The following RANBP3 variants were observed in gnomAD, a reference collection of about 807,000 sequenced individuals.
RANBP3 encodes RAN binding protein 3.
Under a neutral mutation model 77.3 loss-of-function variants are expected in RANBP3, and 14 were observed. That is an observed-to-expected ratio of 0.18 (90% confidence interval 0.12 to 0.28). The LOEUF is 0.28. Ranked by LOEUF, RANBP3 falls within the 10% of genes least tolerant of loss-of-function variation. The pLI, the probability that RANBP3 is intolerant of heterozygous loss-of-function variation, is 1.00. For synonymous variants in RANBP3, 315 were observed against 312.4 expected (o/e 1.01, Z -0.09); for missense variants, 586 against 752.3 (o/e 0.78, Z 2.59).
chr19:5,941,961 G>A (rs1004585203), intron 3 of RANBP3, 126 bp from the exon 4 acceptor site: 9 of 1,038,662 alleles, frequency 8.7e-6, no homozygotes, highest in East Asian at 2.5e-5. Context: ...CCCAGCACCC[G>A]AATGAGAGCC....
At position 5,925,430 on chromosome 19, in the gene RANBP3, C is replaced by T. The variant is rs933024094; in HGVS notation, c.917+204G>A. 2.7e-5 allele frequency: 16 copies of T among 599,096 alleles called. No homozygotes were observed. In the East Asian group the frequency reaches 3.1e-4, roughly 12 times the overall value. 37.1% of individuals were successfully genotyped at this position (599,096 alleles called of 1,614,324 possible). The stretch of plus-strand genomic sequence containing the variant: ...CACAGAACTCTGGTCCTGTCTCAGG[C>T]GTCCAGTGAATCCCAGGACAAGGCC... On this transcript the variant is annotated intron_variant, in intron 10 of 16. Transcript: ENST00000340578.
intron 7 of RANBP3, among the ~76,000 whole-genome samples, chr19:5,931,826 A>G (rs1424244425): frequency 2.6e-5 from 4 of 152,044 alleles, no homozygotes; most frequent in Admixed American, 2.6e-4. Context: ...TGGGGCCAGG[A>G]GTTTGAGACC....
Position 5,923,173 on chromosome 19 carries a change from G to A in RANBP3, c.1209+21C>T, listed in dbSNP as rs138379093. ...GGTGCATGGAAGACCCAGGGCCACCGAGGAGGGGCCGGCCCCTCACCTGTA... is the reference window on the plus strand; with the variant it reads ...GGTGCATGGAAGACCCAGGGCCACCAAGGAGGGGCCGGCCCCTCACCTGTA... On this transcript the variant is annotated intron_variant, in intron 13 of 16. Coordinates refer to ENST00000340578, the MANE Select transcript of RANBP3 (RefSeq NM_007322.3). 2.5e-3 allele frequency: 3,977 copies of A among 1,606,040 alleles called. 11 individuals carry two copies. Among genetic ancestry groups the A allele is most frequent in the Non-Finnish European group, 3.2e-3 (3,719 of 1,172,680 alleles).
intron 9 of RANBP3, 146 bp from the exon 10 acceptor site, chr19:5,925,883 A>C: frequency 5.7e-5 from 36 of 630,400 alleles, no homozygotes; most frequent in East Asian, 1.5e-4. Flanking sequence ...GTGCGCGTGC[A>C]TGTGCTGGGG....
intron 9 of RANBP3, among the ~76,000 whole-genome samples, chr19:5,925,966 A>G (rs991407609): frequency 6.6e-6 from 1 of 152,204 alleles, no homozygotes; most frequent in Admixed American, 6.5e-5. Flanking sequence ...TGAAGCTCCA[A>G]GGAGCCTTTT....
chr19:5,944,709 G>A (rs115421085), intron 3 of RANBP3, among the ~76,000 whole-genome samples: 94 of 152,312 alleles, frequency 6.2e-4, no homozygotes, highest in African/African-American at 2.1e-3. Context: ...TGCACAGCCC[G>A]ATCTCCTCGG....
chr19:5,936,537 C>T (rs978865029), intron 5 of RANBP3, among the ~76,000 whole-genome samples: 2 of 152,210 alleles, frequency 1.3e-5, no homozygotes, highest in South Asian at 2.1e-4. Context: ...ATCGCAGTAC[C>T]GCACGGAGTG....
intron 1 of RANBP3, among the ~76,000 whole-genome samples, chr19:5,974,718 C>T (rs760831404): frequency 2.6e-5 from 4 of 152,120 alleles, no homozygotes; most frequent in South Asian, 2.1e-4. Context: ...CTCAAACCAG[C>T]GGGTCTCAAC....
At chr19:5,977,433 C>T (rs367950397) in intron 1 of RANBP3, among the ~76,000 whole-genome samples, 41 of 152,114 alleles carry the variant, frequency 2.7e-4, no homozygotes, top group African/African-American at 9.4e-4. Flanking sequence ...GGGTTTTCGG[C>T]GGCCCAGATC....
chr19:5,922,705 C>T (rs556012152), intron 13 of RANBP3, among the ~76,000 whole-genome samples: 4 of 152,258 alleles, frequency 2.6e-5, no homozygotes, highest in South Asian at 2.1e-4. Context: ...TTTGGGAGGC[C>T]GAGGCGGGTG....
chr19:5,954,171 G>A (rs546283861), intron 2 of RANBP3, among the ~76,000 whole-genome samples: 67 of 152,274 alleles, frequency 4.4e-4, no homozygotes, highest in Admixed American at 4.4e-3. Context: ...TCCTTTGAAT[G>A]GCGTGAGAGG....
intron 8 of RANBP3, among the ~76,000 whole-genome samples, chr19:5,929,400 C>G (rs2057957649): frequency 6.6e-6 from 1 of 152,264 alleles, no homozygotes; most frequent in Non-Finnish European, 1.5e-5. Context: ...GCCCCCTGCT[C>G]ACACCGACTG....
chr19:5,958,911 A>G lies in RANBP3; in HGVS notation c.23-938T>C, dbSNP rs754364772. Among the ~76,000 whole-genome samples the G allele has an allele frequency of 1.3e-5, 2 of 152,244 alleles. No individual in the cohort carries two copies. Among genetic ancestry groups the G allele is most frequent in the African/African-American group, 2.4e-5 (1 of 41,464 alleles). On this transcript the variant is annotated intron_variant, in intron 1 of 16. Coordinates refer to ENST00000340578, the MANE Select transcript of RANBP3 (RefSeq NM_007322.3). This position sits in a 1 kb window ranked among gnomAD's most constrained non-coding sequence, Gnocchi z 4.4. ...GCCTGCTGTGGGCTGCGGGCTGCGC[A>G]CTGGTGCCTCCGCGTTGAGCAGGGT...
At chr19:5,964,910 T>C (rs866348860) in intron 1 of RANBP3, among the ~76,000 whole-genome samples, 17 of 146,442 alleles carry the variant, frequency 1.2e-4, no homozygotes, top group African/African-American at 3.7e-4. Context: ...GTCTGAGGTC[T>C]GCACATTTAT....
intron 1 of RANBP3, among the ~76,000 whole-genome samples, chr19:5,968,654 C>T (rs932955294): frequency 2.6e-5 from 4 of 152,234 alleles, no homozygotes; most frequent in East Asian, 1.9e-4. Context: ...GCTGCCTGGA[C>T]GCCTGGGACA....
At chr19:5,918,082 G>C (rs2057767236) in intron 15 of RANBP3, 102 bp from the exon 16 acceptor site, 1 of 1,302,296 alleles carries the variant, frequency 7.7e-7, no homozygotes, top group Non-Finnish European at 1.0e-6. Context: ...AGGTGACACT[G>C]CCACAAGGCC....
chr19:5,933,634 C>G lies in RANBP3; in HGVS notation c.407-155G>C, dbSNP rs771397446. ...TCCAAATTACAACAGAAGTCTCGTC[C>G]GATCAGCAGGCCTGGAAGGCGCCTG... On this transcript the variant is annotated intron_variant, in intron 5 of 16. Coordinates refer to ENST00000340578, the MANE Select transcript of RANBP3 (RefSeq NM_007322.3). 3.7e-5 allele frequency: 21 copies of G among 573,926 alleles called. No homozygotes were observed. In the East Asian group the frequency reaches 6.7e-4, roughly 18 times the overall value. 35.6% of individuals were successfully genotyped at this position (573,926 alleles called of 1,614,324 possible). A position where few individuals can be genotyped will look rare whatever the true frequency, so the allele number is the denominator to read the frequency against.
intron 1 of RANBP3, among the ~76,000 whole-genome samples, chr19:5,972,407 A>T (rs2058541354): frequency 6.6e-6 from 1 of 152,224 alleles, no homozygotes; most frequent in Non-Finnish European, 1.5e-5. Context: ...CTGATGTCCC[A>T]GGCCACGTTA....
intron 2 of RANBP3, among the ~76,000 whole-genome samples, chr19:5,954,348 G>C (rs796396476): frequency 6.6e-6 from 1 of 152,106 alleles, no homozygotes; most frequent in Non-Finnish European, 1.5e-5. Flanking sequence ...GGGGCAATTA[G>C]GACAATTTAA....
Sources: allele counts gnomAD v4.1 joint callset (sites outside exome capture counted in the v4.1 genomes callset), GRCh38; gene constraint gnomAD v4.1.1; non-coding constraint Gnocchi (gnomAD v3.1); transcripts MANE v1.5; gene names NCBI Gene and HGNC (gene_info 2026-07-23, HGNC 2026-07-21).